SPAG17: variants seen among roughly 807,000 people sequenced by gnomAD.
SPAG17 encodes the protein sperm-associated antigen 17.
A neutral mutation model predicts 273.6 loss-of-function variants in SPAG17; 169 were observed. That is an observed-to-expected ratio of 0.62 (90% CI 0.55 to 0.70). The LOEUF (loss-of-function observed/expected upper bound fraction) is 0.70. SPAG17 is among the 30% of genes least tolerant of loss of function. SPAG17 has a pLI of 0.00. For missense variants in SPAG17, 2,557 were observed against 2,627.8 expected, an observed-to-expected ratio of 0.97 and a Z score of 0.59; for synonymous variants, 825 against 873.2, an observed-to-expected ratio of 0.94 and a Z score of 0.97.
intron 20 of SPAG17, among the ~76,000 whole-genome samples, chr1:118,042,710 T>C (rs1234051725): frequency 6.6e-6 from 1 of 152,162 alleles, no homozygotes. Context: ...TGAACGACTT[T>C]ATAACTTTAC....
chr1:118,003,071 T>G (rs560801595), intron 32 of SPAG17, among the ~76,000 whole-genome samples: 11 of 152,332 alleles, frequency 7.2e-5, no homozygotes, highest in Admixed American at 5.9e-4. Context: ...ATTTTATTTC[T>G]CCTTCACTTA....
chr1:118,021,364 C>A (rs1156560865), intron 28 of SPAG17, among the ~76,000 whole-genome samples: 1 of 151,908 alleles, frequency 6.6e-6, no homozygotes, highest in East Asian at 1.9e-4. Flanking sequence ...ACTATACAGA[C>A]AATAAAAAGG....
intron 1 of SPAG17, among the ~76,000 whole-genome samples, chr1:118,173,288 G>A (rs1020160993): frequency 7.9e-5 from 12 of 152,168 alleles, no homozygotes; most frequent in Non-Finnish European, 2.9e-5. Flanking sequence ...CCTCCCTGAG[G>A]TGGTGTGGTG....
At position 117,996,698 on chromosome 1, in the gene SPAG17, AT is replaced by A; in HGVS notation, c.4821del (p.Lys1607AsnfsTer6). On this transcript the variant is annotated frameshift_variant, in exon 33 of 49. Coordinates refer to ENST00000336338, the MANE Select transcript of SPAG17 (RefSeq NM_206996.4). LOFTEE classifies it high-confidence loss of function. ...GTTTTCTCATTTAAATCATCTTCCA[AT>A]TTTTTTTCAGGTAATATAGTTGATA... ...GSISTILPEK[K>X]LEDDLNEKTE... is the part of the protein sequence containing the mutation. The A allele has an allele frequency of 2.5e-6, 4 of 1,611,388 alleles. No homozygotes were observed. The highest frequency in any genetic ancestry group is 1.7e-5 in the Admixed American group (1 of 59,696).
rs768464493 is a variant in SPAG17, at chr1:117,966,729, G to A, written c.6412C>T (p.Leu2138=). ...GCTGTGGCAAATAACTCTATATTCA[G>A]TTCTGTCTGCATACCAGCTGCCACC... ...GPVAAGMQTE[L]NIELFATAVG... The change falls in exon 47 of 49, where the codon CTG becomes TTG. Residue 2138 remains leucine (L), a synonymous_variant. Coordinates refer to ENST00000336338, the MANE Select transcript of SPAG17 (RefSeq NM_206996.4). The A allele has an allele frequency of 3.7e-5, 59 of 1,612,784 alleles. No homozygotes were observed. Among genetic ancestry groups the A allele is most frequent in the Admixed American group, 1.2e-4 (7 of 59,616 alleles).
intron 32 of SPAG17, among the ~76,000 whole-genome samples, chr1:117,997,106 AC>A (rs1237526634): frequency 6.6e-6 from 1 of 152,106 alleles, no homozygotes; most frequent in Non-Finnish European, 1.5e-5. Context: ...ATTTGCAAGG[AC>A]CTTTGAATGG....
chr1:118,150,891 C>T (rs983843849), intron 2 of SPAG17, among the ~76,000 whole-genome samples: 10 of 152,248 alleles, frequency 6.6e-5, no homozygotes, highest in Admixed American at 5.9e-4. Flanking sequence ...CCTTCATTTT[C>T]CAATTAGTCA....
At chr1:118,003,089 T>C (rs1334785321) in intron 32 of SPAG17, among the ~76,000 whole-genome samples, 1 of 152,204 alleles carries the variant, frequency 6.6e-6, no homozygotes, top group Non-Finnish European at 1.5e-5. Flanking sequence ...TTATGAAGCT[T>C]AGTTTGGCTG....
At chr1:118,166,545 G>C (rs1660179226) in intron 1 of SPAG17, among the ~76,000 whole-genome samples, 2 of 152,118 alleles carry the variant, frequency 1.3e-5, no homozygotes, top group South Asian at 2.1e-4. Context: ...AGGGTTCAGT[G>C]CTGGAAGATT....
intron 3 of SPAG17, among the ~76,000 whole-genome samples, chr1:118,116,587 T>C (rs1444034374): frequency 6.6e-6 from 1 of 152,148 alleles, no homozygotes; most frequent in East Asian, 1.9e-4. Context: ...TTTTGACTTG[T>C]TACTTCGCCA....
intron 3 of SPAG17, among the ~76,000 whole-genome samples, chr1:118,143,909 C>G (rs1415060230): frequency 2.6e-5 from 4 of 152,142 alleles, no homozygotes; most frequent in Non-Finnish European, 1.5e-5. Context: ...CCTGCCTTGC[C>G]CACTGCCTGC....
chr1:117,979,667 A>G (rs901876753), intron 43 of SPAG17, among the ~76,000 whole-genome samples: 17 of 152,306 alleles, frequency 1.1e-4, no homozygotes, highest in African/African-American at 4.1e-4. Context: ...GAAGTACTAC[A>G]TGATCTAATC....
At position 118,019,963 on chromosome 1, in the gene SPAG17, A is replaced by T. The variant is rs1030690573; in HGVS notation, c.4069+3341T>A. Reference sequence around the variant, plus strand: ...CTAAAGACAAACGTTTTCAAATTGAATTATTAAAATATTCACCTATTTGCT... The same window carrying T: ...CTAAAGACAAACGTTTTCAAATTGATTTATTAAAATATTCACCTATTTGCT... On this transcript the variant is annotated intron_variant, in intron 28 of 48. Coordinates refer to ENST00000336338, the MANE Select transcript of SPAG17 (RefSeq NM_206996.4). Among the ~76,000 whole-genome samples, 4 of 152,264 alleles carry T rather than the reference A, an allele frequency of 2.6e-5. 1 individual carries two copies. In the South Asian group the frequency reaches 8.3e-4, roughly 32 times the overall value.
At chr1:118,086,585 G>A (rs2102169588) in intron 12 of SPAG17, 86 bp downstream of exon 12, 1 of 1,114,106 alleles carries the variant, frequency 9.0e-7, no homozygotes, top group South Asian at 1.3e-5. Context: ...TGTTGATGAA[G>A]TTATCTAATT....
Position 118,031,698 on chromosome 1 carries a change from CTCT to C in SPAG17, c.3600_3602del (p.Glu1201del), listed in dbSNP as rs749888823. ...TATGGCAAGGTTCATTTACCTTTTT[CTCT>C]TCTTCTTTTGGGTGTTCTTCTTCTT... On this transcript the variant is annotated inframe_deletion, in exon 25 of 49. Transcript: ENST00000336338. 3 of 1,611,860 alleles carry C rather than the reference CTCT, an allele frequency of 1.9e-6. No homozygotes were observed. Among genetic ancestry groups the C allele is most frequent in the Middle Eastern group, 1.7e-4 (1 of 6,046 alleles).
At chr1:118,162,285 A>G (rs1659967218) in intron 1 of SPAG17, among the ~76,000 whole-genome samples, 1 of 152,228 alleles carries the variant, frequency 6.6e-6, no homozygotes, top group Admixed American at 6.5e-5. Context: ...TAAAAAGAGC[A>G]CTGGATTTAG....
chr1:117,959,490 A>G (rs1652742925), intron 48 of SPAG17: 1 of 1,534,388 alleles, frequency 6.5e-7, no homozygotes, highest in African/African-American at 1.4e-5. Context: ...TTTTTCCTTT[A>G]AAGGACTCCT....
At chr1:118,060,391 C>T (rs1335776207) in intron 18 of SPAG17, among the ~76,000 whole-genome samples, 1 of 152,022 alleles carries the variant, frequency 6.6e-6, no homozygotes, top group Non-Finnish European at 1.5e-5. Flanking sequence ...AAATGATACT[C>T]CAGCCTAAGA....
chr1:118,017,719 T>G (rs1188058124), intron 28 of SPAG17, among the ~76,000 whole-genome samples: 1 of 152,162 alleles, frequency 6.6e-6, no homozygotes, highest in Non-Finnish European at 1.5e-5. Flanking sequence ...GGTACAATTT[T>G]GATACAAATG....
Sources: gnomAD v4.1 joint callset for allele counts (sites outside exome capture counted in the v4.1 genomes callset) on GRCh38, gnomAD v4.1.1 for gene constraint, MANE v1.5 for transcripts, NCBI Gene and HGNC (gene_info 2026-07-23, HGNC 2026-07-21) for gene names.